Variants in MYCBP2 observed in about 807,000 individuals in gnomAD.
MYCBP2 encodes E3 ubiquitin-protein ligase MYCBP2.
MYCBP2 carries 120 observed loss-of-function variants against 525.3 expected under a neutral mutation model. The observed-to-expected ratio is 0.23, with a 90% CI of 0.20 to 0.27. MYCBP2 has a LOEUF of 0.27. Ranked by LOEUF, MYCBP2 falls within the 10% of genes least tolerant of loss-of-function variation. The pLI is 1.00. For synonymous variants in MYCBP2, 1,894 were observed against 1,955.8 expected (o/e 0.97, Z 0.83); for missense variants, 4,149 against 5,657.1 (o/e 0.73, Z 8.55).
At position 77,174,381 on chromosome 13, in the gene MYCBP2, T is replaced by C; in HGVS notation, c.5581A>G (p.Ser1861Gly). The change falls in exon 37 of 83, where the codon AGC becomes GGC. Residue 1861 changes from serine to glycine, a missense_variant. Around this residue, in one of 21 missense-constraint regions of MYCBP2, gnomAD observed 109 missense variants for 118.9 expected, o/e 0.92. Coordinates refer to ENST00000544440, the MANE Select transcript of MYCBP2 (RefSeq NM_015057.5). ...CCGTTACTGCTCAAGCTGCACGTGC[T>C]GAATGTGAATGTCACACCATCAGGG... ...QCPDGVTFTF[S>G]TCSLSSNGTN... is the part of the protein sequence containing the mutation. 1 of 1,614,200 alleles carries C rather than the reference T, an allele frequency of 6.2e-7. No homozygotes were observed. The highest frequency in any genetic ancestry group is 8.5e-7 in the Non-Finnish European group (1 of 1,180,022).
At chr13:77,198,314 A>G (rs2061987892) in intron 26 of MYCBP2, among the ~76,000 whole-genome samples, 1 of 152,220 alleles carries the variant, frequency 6.6e-6, no homozygotes, top group African/African-American at 2.4e-5. Flanking sequence ...CTTTTTTAGC[A>G]TGTATTCCAA....
intron 2 of MYCBP2, among the ~76,000 whole-genome samples, chr13:77,294,129 T>TACACATATATATATATATATATATAC (rs1555465423): frequency 3.8e-5 from 1 of 26,132 alleles, no homozygotes; most frequent in Non-Finnish European, 1.1e-4. Flanking sequence ...TATATATATA[T>TACACATATATATATATATATATATAC]ACATATATAT....
chr13:77,089,064 T>A, intron 60 of MYCBP2, 33 bp from the exon 61 acceptor site: 2 of 1,488,160 alleles, frequency 1.3e-6, no homozygotes, highest in Non-Finnish European at 1.8e-6. Flanking sequence ...TTAATTTTCA[T>A]AGGCAGTGCA....
In MYCBP2 at chr13:77,126,560, A is replaced by T. The variant is rs770525816; in HGVS notation, c.7660-18T>A. 1 of 1,578,344 alleles carries T rather than the reference A, an allele frequency of 6.3e-7. No homozygotes were observed. The highest frequency in any genetic ancestry group is 8.7e-7 in the Non-Finnish European group (1 of 1,153,200). ...TTAGATTCCTGAAAATTTGAATAGG[A>T]AAGAAAAATAAACAAAATACAATCT... On this transcript the variant is annotated intron_variant, in intron 52 of 82. Transcript: ENST00000544440.
Position 77,097,863 on chromosome 13 carries a change from C to T in MYCBP2, c.9291G>A (p.Leu3097=). Residue 3097 remains leucine, a synonymous_variant, in exon 56 of 83, where the codon CTG becomes CTA. Coordinates refer to ENST00000544440, the MANE Select transcript of MYCBP2 (RefSeq NM_015057.5). The part of the protein sequence containing the change: ...NRHSLEISSA[L]NMFNIAPHGP... The stretch of plus-strand genomic sequence containing the variant: ...CATGGGGTGCAATATTAAACATATT[C>T]AGTGCAGATGATATTTCTAATGAAT... 1 of 1,613,308 alleles carries T rather than the reference C, an allele frequency of 6.2e-7. No homozygotes were observed. The highest frequency in any genetic ancestry group is 1.1e-5 in the South Asian group (1 of 91,002).
chr13:77,183,701 A>G (rs1441713455), intron 32 of MYCBP2, among the ~76,000 whole-genome samples: 2 of 151,484 alleles, frequency 1.3e-5, no homozygotes, highest in Non-Finnish European at 2.9e-5. Flanking sequence ...ACAGCTGTGC[A>G]CCACCATGCC....
At chr13:77,131,522 AC>A in intron 52 of MYCBP2, among the ~76,000 whole-genome samples, 1 of 138,932 alleles carries the variant, frequency 7.2e-6, no homozygotes, top group African/African-American at 2.7e-5. Flanking sequence ...AAACAAACAC[AC>A]ACACACACAC....
chr13:77,253,927 A>C (rs960080773), intron 14 of MYCBP2, among the ~76,000 whole-genome samples: 1 of 151,968 alleles, frequency 6.6e-6, no homozygotes, highest in African/African-American at 2.4e-5. Flanking sequence ...CAGGTTTTCC[A>C]GGAAACATTT....
At chr13:77,234,651 T>A (rs1193835566) in intron 17 of MYCBP2, among the ~76,000 whole-genome samples, 4 of 152,036 alleles carry the variant, frequency 2.6e-5, no homozygotes, top group African/African-American at 9.6e-5. Flanking sequence ...TTTCTCAGGC[T>A]AAGGTTATGT....
intron 3 of MYCBP2, among the ~76,000 whole-genome samples, chr13:77,282,172 A>C (rs1160789527): frequency 6.6e-6 from 1 of 152,158 alleles, no homozygotes; most frequent in Admixed American, 6.5e-5. Context: ...GCACTTTGGG[A>C]GGCCAAGGTT....
At chr13:77,146,540 G>GT (rs2154189511) in intron 47 of MYCBP2, among the ~76,000 whole-genome samples, 1 of 152,112 alleles carries the variant, frequency 6.6e-6, no homozygotes, top group East Asian at 1.9e-4. Context: ...AAGGAGATTT[G>GT]TAACTCGTAT....
At chr13:77,117,637 A>C (rs946237023) in intron 55 of MYCBP2, among the ~76,000 whole-genome samples, 2 of 152,298 alleles carry the variant, frequency 1.3e-5, no homozygotes, top group Admixed American at 6.5e-5. Flanking sequence ...TCATTCAATT[A>C]ATGTGTTTAT....
intron 17 of MYCBP2, among the ~76,000 whole-genome samples, chr13:77,237,741 A>C (rs900339484): frequency 6.6e-6 from 1 of 152,174 alleles, no homozygotes; most frequent in Non-Finnish European, 1.5e-5. Context: ...AATAAGTAAA[A>C]AAGTGTGAGA....
At chr13:77,290,683 G>A (rs1193495371) in intron 2 of MYCBP2, among the ~76,000 whole-genome samples, 1 of 152,188 alleles carries the variant, frequency 6.6e-6, no homozygotes, top group African/African-American at 2.4e-5. Context: ...GAACAGATCA[G>A]TGGTTGCCAG....
intron 15 of MYCBP2, among the ~76,000 whole-genome samples, chr13:77,248,178 C>G (rs895981197): frequency 2.7e-5 from 4 of 147,652 alleles, no homozygotes; most frequent in African/African-American, 9.9e-5. Context: ...ATAACAGTAA[C>G]CCTTCACAAC....
chr13:77,295,063 CAGTCACAGGTAATA>C (rs1456979833), intron 2 of MYCBP2, among the ~76,000 whole-genome samples: 1 of 152,214 alleles, frequency 6.6e-6, no homozygotes, highest in Non-Finnish European at 1.5e-5. Context: ...GCCTCAGCCT[CAGTCACAGGTAATA>C]AGTCCACACA....
At chr13:77,277,717 TG>T (rs1350544560) in intron 4 of MYCBP2, among the ~76,000 whole-genome samples, 1 of 152,164 alleles carries the variant, frequency 6.6e-6, no homozygotes, top group East Asian at 1.9e-4. Context: ...CCCAAGTCTA[TG>T]GAATCAGAAA....
chr13:77,188,888 TAAACATCAA>T, intron 30 of MYCBP2, 54 bp downstream of exon 30: 1 of 1,160,138 alleles, frequency 8.6e-7, no homozygotes, highest in South Asian at 1.6e-5. Flanking sequence ...AGCTAAACTC[TAAACATCAA>T]AATGTATCTG....
rs539146659 is a variant in MYCBP2, at chr13:77,155,100, C to T, written c.6915+958G>A. ...ATCATGGCCAAATATTTGAAAGATA[C>T]TGCTAAAAGACTGATTTTGATTTAG... On this transcript the variant is annotated intron_variant, in intron 46 of 82. Coordinates refer to ENST00000544440, the MANE Select transcript of MYCBP2 (RefSeq NM_015057.5). Among the ~76,000 whole-genome samples, 32 of 152,110 alleles carry T rather than the reference C, an allele frequency of 2.1e-4. No individual in the cohort carries two copies. In the South Asian group the frequency reaches 6.0e-3, roughly 29 times the overall value.
Sources: allele counts gnomAD v4.1 joint callset (sites outside exome capture counted in the v4.1 genomes callset), GRCh38; gene constraint gnomAD v4.1.1; regional missense constraint gnomAD v4.1.1; transcripts MANE v1.5; gene names NCBI Gene and HGNC (gene_info 2026-07-23, HGNC 2026-07-21).